PCNX2: variants seen among roughly 807,000 people sequenced by gnomAD.
PCNX2 encodes pecanex-like protein 2.
In PCNX2, 168 loss-of-function variants were observed where a neutral mutation model predicts 223.8. The observed-to-expected ratio is 0.75, with a 90% CI of 0.66 to 0.85. The LOEUF (loss-of-function observed/expected upper bound fraction) is 0.85, where lower values mean the gene tolerates loss of function less well. PCNX2 is among the 40% of genes least tolerant of loss of function. The probability of loss-of-function intolerance (pLI) is 0.00; values close to 1 mark genes in which losing one functional copy is unlikely to be tolerated. For missense variants in PCNX2, 2,507 were observed against 2,675.5 expected (o/e 0.94, Z 1.39); for synonymous variants, 1,006 against 1,052.6 (o/e 0.96, Z 0.86).
chr1:233,001,794 C>T lies in PCNX2; in HGVS notation c.4953-113G>A. 3 of 1,088,300 alleles carry T rather than the reference C, an allele frequency of 2.8e-6. No homozygotes were observed. The highest frequency in any genetic ancestry group is 3.7e-6 in the Non-Finnish European group (3 of 818,998). 67.4% of individuals were successfully genotyped at this position (1,088,300 alleles called of 1,614,324 possible). On this transcript the variant is annotated intron_variant, in intron 28 of 33. Transcript: ENST00000258229. This position sits in a 1 kb window ranked among gnomAD's most constrained non-coding sequence, Gnocchi z 4.2. Reference sequence around the variant, plus strand: ...TATCTTAACATTTAGGCTGATATAGCAAGAAAATGAAGATAACAGGACTCA... The same window carrying T: ...TATCTTAACATTTAGGCTGATATAGTAAGAAAATGAAGATAACAGGACTCA...
At chr1:233,273,147 TA>T (rs34006105) in intron 1 of PCNX2, among the ~76,000 whole-genome samples, 2 of 147,768 alleles carry the variant, frequency 1.4e-5, no homozygotes, top group Non-Finnish European at 3.0e-5. Context: ...CCTATGGAAA[TA>T]AAAAAAAATC....
chr1:233,219,139 T>C (rs993522763), intron 10 of PCNX2, among the ~76,000 whole-genome samples: 22 of 151,990 alleles, frequency 1.4e-4, no homozygotes, highest in African/African-American at 5.1e-4. Flanking sequence ...CAGGTGGGTA[T>C]GCAAAGGACA....
At chr1:233,090,298 A>G in intron 22 of PCNX2, 108 bp from the exon 23 acceptor site, 2 of 1,226,058 alleles carry the variant, frequency 1.6e-6, no homozygotes, top group South Asian at 2.8e-5. Flanking sequence ...TCCACCAAAG[A>G]AAGAACAAAG....
chr1:233,141,023 C>A (rs1677075762), intron 19 of PCNX2, among the ~76,000 whole-genome samples: 1 of 152,044 alleles, frequency 6.6e-6, no homozygotes, highest in African/African-American at 2.4e-5. Context: ...GAATCACATT[C>A]TTCAACAATT....
At chr1:233,098,947 T>C (rs575687003) in intron 21 of PCNX2, among the ~76,000 whole-genome samples, 1 of 152,372 alleles carries the variant, frequency 6.6e-6, no homozygotes, top group South Asian at 2.1e-4. Flanking sequence ...AAGAGTTTGA[T>C]AAATGTTAGG....
upstream of PCNX2, among the ~76,000 whole-genome samples, chr1:233,299,051 C>T (rs1001655761): frequency 2.0e-5 from 3 of 152,118 alleles, no homozygotes; most frequent in Admixed American, 1.3e-4. Context: ...AGTTGGGTGC[C>T]CTTCTGCCCA....
Position 233,000,461 on chromosome 1 carries a change from C to T in PCNX2, c.5172G>A (p.Lys1724=), listed in dbSNP as rs769685693. Residue 1724 remains lysine, a synonymous_variant, in exon 30 of 34, where the codon AAG becomes AAA. Coordinates refer to ENST00000258229, the MANE Select transcript of PCNX2 (RefSeq NM_014801.4). The surrounding 1 kb of genome is among the most constrained non-coding windows in gnomAD (Gnocchi z 4.6). ...LYEAIQSFEK[K]VVICHEGDPA... is the part of the protein sequence containing the mutation. ...GGTCGCCCTCGTGGCAGATGACCAC[C>T]TTCTTCTCGAAGGACTGGATGGCCT... 2 of 1,597,024 alleles carry T rather than the reference C, an allele frequency of 1.3e-6. No homozygotes were observed. The highest frequency in any genetic ancestry group is 1.7e-5 in the Admixed American group (1 of 58,520).
chr1:233,021,737 G>A (rs1670897269), intron 26 of PCNX2, among the ~76,000 whole-genome samples: 1 of 152,184 alleles, frequency 6.6e-6, no homozygotes, highest in South Asian at 2.1e-4. Context: ...AAAACAGAGT[G>A]GAGGGCATGG....
intron 23 of PCNX2, among the ~76,000 whole-genome samples, chr1:233,083,109 T>C (rs1318031): frequency 6.6e-6 from 1 of 152,020 alleles, no homozygotes; most frequent in Admixed American, 6.5e-5. Flanking sequence ...GCATGAATGA[T>C]AGCAGGACAC....
At chr1:233,208,382 TAGATATGCA>T in intron 13 of PCNX2, 127 bp downstream of exon 13, 7 of 940,524 alleles carry the variant, frequency 7.4e-6, no homozygotes, top group Non-Finnish European at 1.1e-5. Flanking sequence ...CAGTCTTCGG[TAGATATGCA>T]AGCCAAGAGG....
intron 12 of PCNX2, among the ~76,000 whole-genome samples, chr1:233,215,700 G>A (rs552215077): frequency 4.6e-5 from 7 of 152,302 alleles, no homozygotes; most frequent in African/African-American, 1.7e-4. Flanking sequence ...TAGGAGTGAG[G>A]AGAGTTGACT....
intron 17 of PCNX2, among the ~76,000 whole-genome samples, chr1:233,175,347 A>T (rs949191432): frequency 6.6e-6 from 1 of 152,254 alleles, no homozygotes; most frequent in Non-Finnish European, 1.5e-5. Context: ...TTCAAAGGGT[A>T]TGAAAACCAA....
chr1:233,270,479 C>T (rs531374726), intron 1 of PCNX2, among the ~76,000 whole-genome samples: 19 of 152,176 alleles, frequency 1.2e-4, no homozygotes, highest in South Asian at 2.1e-4. Flanking sequence ...AACCTGCCCC[C>T]GACAGGTTAC....
intron 25 of PCNX2, among the ~76,000 whole-genome samples, chr1:233,052,557 T>C (rs1672044959): frequency 6.6e-6 from 1 of 152,178 alleles, no homozygotes; most frequent in African/African-American, 2.4e-5. Flanking sequence ...GTGCCTCTCC[T>C]CTGGTCCTTA....
At chr1:233,121,026 C>G (rs1335095167) in intron 21 of PCNX2, among the ~76,000 whole-genome samples, 2 of 151,290 alleles carry the variant, frequency 1.3e-5, no homozygotes, top group Non-Finnish European at 2.9e-5. Flanking sequence ...TTCTCATATG[C>G]CAGCAAGGAA....
At chr1:233,227,425 T>C (rs1166525182) in intron 9 of PCNX2, 54 bp from the exon 10 acceptor site, 3 of 1,515,782 alleles carry the variant, frequency 2.0e-6, no homozygotes, top group Non-Finnish European at 2.7e-6. Flanking sequence ...TGTCATGGCA[T>C]GGCCACAAAT....
At chr1:233,224,672 G>A (rs1200114449) in intron 10 of PCNX2, among the ~76,000 whole-genome samples, 1 of 151,972 alleles carries the variant, frequency 6.6e-6, no homozygotes, top group Non-Finnish European at 1.5e-5. Context: ...CAGTATTTTG[G>A]GTTTCTTCCT....
rs533798407 is a variant in PCNX2 at position 233,213,065 on chromosome 1, A to G, written c.2692-4376T>C. Among the ~76,000 whole-genome samples the G allele has an allele frequency of 3.5e-4, 54 of 152,280 alleles. No individual in the cohort carries two copies. The East Asian group carries it at 7.0e-3, about 20-fold the overall frequency. On this transcript the variant is annotated intron_variant, in intron 12 of 33. Transcript: ENST00000258229. ...TGAGATAAACATAAGAAAAATCCCAACTGAGAAACAGTGTACAAACTACCT... is the reference window on the plus strand; with the variant it reads ...TGAGATAAACATAAGAAAAATCCCAGCTGAGAAACAGTGTACAAACTACCT...
intron 1 of PCNX2, among the ~76,000 whole-genome samples, chr1:233,271,966 T>A (rs1660660937): frequency 6.6e-6 from 1 of 152,170 alleles, no homozygotes; most frequent in Admixed American, 6.5e-5. Flanking sequence ...GGCTCCTTGG[T>A]GGTTCCATAT....
Sources: gnomAD v4.1 joint callset for allele counts (sites outside exome capture counted in the v4.1 genomes callset) on GRCh38, gnomAD v4.1.1 for gene constraint, Gnocchi (gnomAD v3.1) non-coding constraint, MANE v1.5 for transcripts, NCBI Gene and HGNC (gene_info 2026-07-23, HGNC 2026-07-21) for gene names.